Variants in REDIC1 observed in about 807,000 individuals in gnomAD.
REDIC1 encodes the protein regulator of DNA class I crossover intermediates 1.
chr12:39,812,347 C>CTT, the REDIC1 span, among the ~76,000 whole-genome samples: 1 of 101,220 alleles, frequency 9.9e-6, no homozygotes, highest in Non-Finnish European at 2.2e-5. Flanking sequence ...TTTTTCTTTT[C>CTT]TTTTCTTTTC....
the REDIC1 span, chr12:39,682,589 T>C: frequency 6.7e-7 from 1 of 1,490,082 alleles, no homozygotes; most frequent in South Asian, 1.4e-5. Flanking sequence ...TCTTGCTAAA[T>C]ATGTTTTTGT....
At chr12:39,895,297 T>G in the REDIC1 span, among the ~76,000 whole-genome samples, 3 of 151,698 alleles carry the variant, frequency 2.0e-5, no homozygotes, top group Non-Finnish European at 4.4e-5. Context: ...GAGACCATCC[T>G]GGCTAATACG....
the REDIC1 span, among the ~76,000 whole-genome samples, chr12:39,679,738 A>T: frequency 6.6e-6 from 1 of 152,246 alleles, no homozygotes; most frequent in African/African-American, 2.4e-5. Flanking sequence ...CTGACTTCAA[A>T]CTATACTACA....
At chr12:39,626,493 C>A in the REDIC1 span, 265 of 1,146,176 alleles carry the variant, frequency 2.3e-4, 2 homozygotes, top group East Asian at 4.4e-3. Flanking sequence ...TTATCCAAAT[C>A]GGGTTGGAGA....
the REDIC1 span, among the ~76,000 whole-genome samples, chr12:39,671,307 G>A: frequency 6.6e-6 from 1 of 152,174 alleles, no homozygotes; most frequent in East Asian, 1.9e-4. Flanking sequence ...TGTACACACC[G>A]TCAGTGGTGT....
At chr12:39,816,398 G>A in the REDIC1 span, among the ~76,000 whole-genome samples, 448 of 142,988 alleles carry the variant, frequency 3.1e-3, no homozygotes, top group African/African-American at 0.011. Context: ...CTTGGACACA[G>A]GAAGGGGAAC....
chr12:39,639,792 AATT>A, the REDIC1 span, among the ~76,000 whole-genome samples: 1 of 151,940 alleles, frequency 6.6e-6, no homozygotes. Flanking sequence ...TAGTATTAGC[AATT>A]ATTATTTTGA....
At chr12:39,819,586 A>C in the REDIC1 span, among the ~76,000 whole-genome samples, 1 of 151,996 alleles carries the variant, frequency 6.6e-6, no homozygotes, top group Non-Finnish European at 1.5e-5. Flanking sequence ...TGTCCTTGAC[A>C]CTAAGCAGTA....
the REDIC1 span, among the ~76,000 whole-genome samples, chr12:39,726,633 T>C: frequency 6.6e-6 from 1 of 152,210 alleles, no homozygotes; most frequent in African/African-American, 2.4e-5. Context: ...CACATGTGCA[T>C]GTGTCTTTAT....
the REDIC1 span, among the ~76,000 whole-genome samples, chr12:39,818,814 C>T: frequency 6.6e-6 from 1 of 152,106 alleles, no homozygotes; most frequent in South Asian, 2.1e-4. Flanking sequence ...AAAGTTTCTA[C>T]ATATAAAATA....
chr12:39,755,176 C>T, the REDIC1 span: 1 of 151,926 alleles, frequency 6.6e-6, no homozygotes, highest in South Asian at 2.1e-4. Context: ...ACTAAATCTC[C>T]ATAAAATATA....
chr12:39,702,060 G>C, the REDIC1 span, among the ~76,000 whole-genome samples: 1 of 152,198 alleles, frequency 6.6e-6, no homozygotes, highest in East Asian at 1.9e-4. Context: ...ACATTCAAAA[G>C]CTAGCGGAAG....
the REDIC1 span, among the ~76,000 whole-genome samples, chr12:39,771,240 T>C: frequency 2.6e-5 from 4 of 152,098 alleles, no homozygotes; most frequent in Admixed American, 2.6e-4. Context: ...GTGTAGTTCC[T>C]TTTTCTGGAG....
At chr12:39,866,465 A>G in the REDIC1 span, among the ~76,000 whole-genome samples, 1 of 152,196 alleles carries the variant, frequency 6.6e-6, no homozygotes, top group South Asian at 2.1e-4. Flanking sequence ...TGAATTTTAA[A>G]TGTCATAATG....
chr12:39,883,979 T>C, the REDIC1 span, among the ~76,000 whole-genome samples: 1 of 152,202 alleles, frequency 6.6e-6, no homozygotes, highest in African/African-American at 2.4e-5. Flanking sequence ...GAGATTTTGA[T>C]GCCTTTTCTT....
the REDIC1 span, among the ~76,000 whole-genome samples, chr12:39,861,180 G>A: frequency 6.6e-6 from 1 of 152,116 alleles, no homozygotes; most frequent in Admixed American, 6.6e-5. Context: ...CATTCTCAAG[G>A]TAATCTTCTC....
chr12:39,730,290 G>T, the REDIC1 span, among the ~76,000 whole-genome samples: 1 of 152,284 alleles, frequency 6.6e-6, no homozygotes, highest in South Asian at 2.1e-4. Context: ...TGCAGTGGCT[G>T]CTACCGGTTT....
At chr12:39,776,378 C>T in the REDIC1 span, among the ~76,000 whole-genome samples, 2 of 152,228 alleles carry the variant, frequency 1.3e-5, no homozygotes, top group Non-Finnish European at 2.9e-5. Flanking sequence ...AACCTGCCTG[C>T]CTGGCCATAA....
the REDIC1 span, among the ~76,000 whole-genome samples, chr12:39,713,012 CATGTGTATATACGT>C: frequency 1.8e-4 from 24 of 133,750 alleles, no homozygotes; most frequent in African/African-American, 6.9e-4. Flanking sequence ...TGTATATATA[CATGTGTATATACGT>C]GTATATGTAT....
Sources: gnomAD v4.1 joint callset for allele counts (sites outside exome capture counted in the v4.1 genomes callset) on GRCh38, gnomAD v4.1.1 for gene constraint, MANE v1.5 for transcripts, NCBI Gene and HGNC (gene_info 2026-07-23, HGNC 2026-07-21) for gene names.